The following CD82 variants were observed in gnomAD, a reference collection of about 807,000 sequenced individuals.
CD82 encodes CD82 antigen.
In CD82, 36 loss-of-function variants were observed where a neutral mutation model predicts 37.4. The ratio of observed to expected loss-of-function variants is 0.96; its 90% CI spans 0.74 to 1.27. The LOEUF is 1.27. Among genes scored for constraint, CD82 ranks in the 50% most tolerant of loss-of-function variants. The pLI is 0.00. For missense variants in CD82, 340 were observed against 347.0 expected (o/e 0.98, Z 0.16); for synonymous variants, 158 against 137.4 (o/e 1.15, Z -1.05).
intron 6 of CD82, among the ~76,000 whole-genome samples, chr11:44,613,298 G>A (rs933932525): frequency 5.9e-5 from 9 of 152,226 alleles, no homozygotes; most frequent in Admixed American, 6.5e-5. Context: ...GGCAGGGGCT[G>A]GCTCTCGGAG....
At chr11:44,577,941 C>A (rs2134627511) in intron 1 of CD82, among the ~76,000 whole-genome samples, 1 of 152,300 alleles carries the variant, frequency 6.6e-6, no homozygotes, top group African/African-American at 2.4e-5. Flanking sequence ...GGGACAGAAT[C>A]AGCTGATTTA....
chr11:44,603,201 G>A (rs1159931966), intron 4 of CD82, among the ~76,000 whole-genome samples: 1 of 152,204 alleles, frequency 6.6e-6, no homozygotes, highest in Non-Finnish European at 1.5e-5. Context: ...CTCACCCTGA[G>A]GAAGGTGGGG....
At chr11:44,572,842 G>A (rs909440103) in intron 1 of CD82, among the ~76,000 whole-genome samples, 1 of 152,204 alleles carries the variant, frequency 6.6e-6, no homozygotes, top group Non-Finnish European at 1.5e-5. Flanking sequence ...GGAAGCCGGT[G>A]GAAGAAGGTG....
At chr11:44,582,866 C>G (rs1177033777) in intron 1 of CD82, among the ~76,000 whole-genome samples, 1 of 152,246 alleles carries the variant, frequency 6.6e-6, no homozygotes, top group African/African-American at 2.4e-5. Context: ...GTAGTTCTAT[C>G]TGTCCATCCC....
chr11:44,609,002 C>T (rs1004007053), intron 6 of CD82, among the ~76,000 whole-genome samples: 2 of 152,246 alleles, frequency 1.3e-5, no homozygotes, highest in African/African-American at 2.4e-5. Flanking sequence ...TTATTCACTT[C>T]ATGAAGGCCT....
intron 4 of CD82, among the ~76,000 whole-genome samples, chr11:44,602,721 A>C (rs1456182354): frequency 6.6e-6 from 1 of 152,166 alleles, no homozygotes; most frequent in Non-Finnish European, 1.5e-5. Flanking sequence ...ACCCCAGAGC[A>C]TACCCTCACC....
chr11:44,565,115 GA>G (rs1236742815), upstream of CD82, among the ~76,000 whole-genome samples: 2 of 152,242 alleles, frequency 1.3e-5, no homozygotes, highest in Non-Finnish European at 2.9e-5. Context: ...ACCCGCCCTG[GA>G]ATGCCAGCGT....
At chr11:44,603,296 T>C (rs1210911558) in intron 4 of CD82, among the ~76,000 whole-genome samples, 3 of 152,154 alleles carry the variant, frequency 2.0e-5, no homozygotes, top group Non-Finnish European at 4.4e-5. Context: ...TTCTGTCTGT[T>C]ATCAGGAAGC....
chr11:44,607,865 C>T (rs1853420952), intron 6 of CD82: 1 of 152,202 alleles, frequency 6.6e-6, no homozygotes, highest in African/African-American at 2.4e-5. Flanking sequence ...GGAGCTTAGC[C>T]TCAGAGGTGT....
chr11:44,564,727 C>A (rs912897138), upstream of CD82, among the ~76,000 whole-genome samples: 15 of 152,328 alleles, frequency 9.8e-5, no homozygotes, highest in African/African-American at 3.4e-4. Flanking sequence ...CTGGGCACTG[C>A]CCCAGCACTG....
Position 44,587,511 on chromosome 11 carries a change from C to T in CD82, c.-66C>T. The T allele has an allele frequency of 4.4e-6, 2 of 456,338 alleles. No homozygotes were observed. The highest frequency in any genetic ancestry group is 8.8e-6 in the Non-Finnish European group (2 of 226,960). The allele number at this position is 456,338 out of a possible 1,614,324, so 28.3% of individuals were successfully genotyped here. ...CTGCTGTGTGGACGACACGTGGGCA[C>T]AGGCAGAAGTGGGCCCTGTGACCAG... On this transcript the variant is annotated 5_prime_UTR_variant, in exon 2 of 10. Transcript: ENST00000227155.
Position 44,619,504 on chromosome 11 carries a change from T to A in CD82, c.*378T>A, listed in dbSNP as rs1211824827. ...GGGGCCGGGCGCGGTGGCTCACGCCTGTAATCCCAGCACTTTGGGAGGCCG... is the reference window on the plus strand; with the variant it reads ...GGGGCCGGGCGCGGTGGCTCACGCCAGTAATCCCAGCACTTTGGGAGGCCG... On this transcript the variant is annotated 3_prime_UTR_variant, in exon 10 of 10. Transcript: ENST00000227155. The A allele has an allele frequency of 1.7e-5, 3 of 174,746 alleles. No homozygotes were observed. The highest frequency in any genetic ancestry group is 2.5e-5 in the Non-Finnish European group (2 of 81,458). 10.8% of individuals were successfully genotyped at this position (174,746 alleles called of 1,614,324 possible).
chr11:44,579,032 A>G (rs1268365422), intron 1 of CD82, among the ~76,000 whole-genome samples: 2 of 152,130 alleles, frequency 1.3e-5, no homozygotes, highest in East Asian at 3.9e-4. Context: ...TGTCTGCCTC[A>G]GCTTCCTTAG....
chr11:44,592,535 T>C (rs1853160576), intron 2 of CD82, among the ~76,000 whole-genome samples: 1 of 152,232 alleles, frequency 6.6e-6, no homozygotes, highest in Admixed American at 6.5e-5. Context: ...CTCTCTTCTC[T>C]TGCTGTTTAG....
chr11:44,607,178 A>T (rs558349915), intron 6 of CD82, among the ~76,000 whole-genome samples: 18 of 152,272 alleles, frequency 1.2e-4, no homozygotes, highest in Admixed American at 2.6e-4. Context: ...AGAAAACACT[A>T]TACCAACATC....
At chr11:44,596,151 C>T (rs994863538) in intron 3 of CD82, among the ~76,000 whole-genome samples, 4 of 152,182 alleles carry the variant, frequency 2.6e-5, no homozygotes, top group Non-Finnish European at 4.4e-5. Flanking sequence ...TCATGGCAGC[C>T]GGGCCTGGAA....
intron 1 of CD82, among the ~76,000 whole-genome samples, chr11:44,569,411 G>T (rs1271786103): frequency 6.6e-6 from 1 of 152,180 alleles, no homozygotes; most frequent in Admixed American, 6.5e-5. Flanking sequence ...GGCAGCTGAT[G>T]GAGGAAAGAG....
chr11:44,618,724 G>T lies in CD82; in HGVS notation c.726+1G>T, dbSNP rs1376918940. ...GGGCGTGGGTGTGGCCATCATCGAGGTCTGAGCCCCCTCCCCCATCCCTTC... is the reference window on the plus strand; with the variant it reads ...GGGCGTGGGTGTGGCCATCATCGAGTTCTGAGCCCCCTCCCCCATCCCTTC... On this transcript the variant is annotated splice_donor_variant, in intron 9 of 9. Coordinates refer to ENST00000227155, the MANE Select transcript of CD82 (RefSeq NM_002231.4). LOFTEE classifies it high-confidence loss of function. 1 of 1,611,996 alleles carries T rather than the reference G, an allele frequency of 6.2e-7. No homozygotes were observed. Among genetic ancestry groups the T allele is most frequent in the East Asian group, 2.2e-5 (1 of 44,822 alleles).
intron 2 of CD82, among the ~76,000 whole-genome samples, chr11:44,590,088 C>A (rs1490494448): frequency 6.6e-6 from 1 of 151,182 alleles, no homozygotes; most frequent in Admixed American, 6.6e-5. Flanking sequence ...CTGCCTCAGC[C>A]TCCCAAAGTG....
Sources: allele counts gnomAD v4.1 joint callset (sites outside exome capture counted in the v4.1 genomes callset), GRCh38; gene constraint gnomAD v4.1.1; transcripts MANE v1.5; gene names NCBI Gene and HGNC (gene_info 2026-07-23, HGNC 2026-07-21).